The following USP24 variants were observed in gnomAD, a reference collection of about 807,000 sequenced individuals.
USP24 encodes the protein ubiquitin specific peptidase 24, also known as ubiquitin carboxyl-terminal hydrolase 24.
In USP24, 97 loss-of-function variants were observed where a neutral mutation model predicts 361.6. That is an observed-to-expected ratio of 0.27 (90% confidence interval 0.23 to 0.32). USP24 has a LOEUF of 0.32. Among genes scored for constraint, USP24 ranks in the 10% least tolerant of loss-of-function variants. USP24 has a pLI of 1.00. For missense variants in USP24, 2,353 were observed against 3,165.6 expected, an observed-to-expected ratio of 0.74 and a Z score of 6.16; for synonymous variants, 1,098 against 1,124.6, an observed-to-expected ratio of 0.98 and a Z score of 0.47.
Position 55,215,130 on chromosome 1 carries a change from C to G in USP24, c.-17G>C, listed in dbSNP as rs1229325266. On this transcript the variant is annotated 5_prime_UTR_variant, in exon 1 of 68. Coordinates refer to ENST00000294383, the MANE Select transcript of USP24 (RefSeq NM_015306.3). ...CGATTCCATGGCTTGGGCCTCCTGG[C>G]CGCCCCGGCCAGCGCACGGCGAAGC... 8.0e-7 allele frequency: 1 copy of G among 1,242,996 alleles called. No individual in the cohort carries two copies. The highest frequency in any genetic ancestry group is 3.3e-5 in the South Asian group (1 of 30,352). The allele number at this position is 1,242,996 out of a possible 1,614,324, so 77.0% of individuals were successfully genotyped here.
intron 64 of USP24, among the ~76,000 whole-genome samples, chr1:55,073,267 CA>C (rs1644957079): frequency 6.6e-6 from 1 of 152,134 alleles, no homozygotes; most frequent in African/African-American, 2.4e-5. Flanking sequence ...ATTTTGCAGT[CA>C]ATCAGCCTGT....
At chr1:55,202,402 TTTTC>T (rs757576743) in intron 1 of USP24, among the ~76,000 whole-genome samples, 121 of 151,856 alleles carry the variant, frequency 8.0e-4, no homozygotes, top group African/African-American at 2.6e-3. Context: ...TATACCGACT[TTTTC>T]TTTCTTTTTT....
Position 55,145,894 on chromosome 1 carries a change from CCTAA to C in USP24, c.2362+100_2362+103del, listed in dbSNP as rs779251836. On this transcript the variant is annotated intron_variant, in intron 20 of 67. Transcript: ENST00000294383. ...ACAAGAAAAATTCTAGAAGGATATT[CCTAA>C]CTGTTTAGTTGCTTCTGAGAAGGAG... The C allele has an allele frequency of 5.4e-4, 416 of 773,084 alleles. 2 individuals carry two copies. Among genetic ancestry groups the C allele is most frequent in the African/African-American group, 1.8e-3 (102 of 57,700 alleles). The allele number at this position is 773,084 out of a possible 1,614,324, so 47.9% of individuals were successfully genotyped here.
intron 28 of USP24, among the ~76,000 whole-genome samples, chr1:55,135,526 T>C (rs1027535308): frequency 5.3e-5 from 8 of 152,218 alleles, no homozygotes; most frequent in Admixed American, 4.6e-4. Flanking sequence ...ATAAGGTGTA[T>C]ATGAAACATA....
In USP24 at chr1:55,148,495, A is replaced by G; in HGVS notation, c.1936T>C (p.Phe646Leu). 1 of 1,591,310 alleles carries G rather than the reference A, an allele frequency of 6.3e-7. No homozygotes were observed. The highest frequency in any genetic ancestry group is 1.7e-5 in the Admixed American group (1 of 57,162). Residue 646 changes from phenylalanine (F) to leucine (L), a missense_variant, in exon 17 of 68, where the codon TTC (phenylalanine) becomes CTC (leucine). Physicochemically the swap from Phe to Leu is conservative, Grantham distance 22 (BLOSUM62 0). Coordinates refer to ENST00000294383, the MANE Select transcript of USP24 (RefSeq NM_015306.3). The stretch of plus-strand genomic sequence containing the variant: ...TGCTTTTGATAGGTTTGTTTTATGA[A>G]TGAGCGAGTAATTTCATGGAGCTGA... ...LRQLHEITRSFIKQTYQKQDK... is the reference protein window; with the variant it reads ...LRQLHEITRSLIKQTYQKQDK...
At chr1:55,187,226 G>T (rs1308237655) in intron 1 of USP24, among the ~76,000 whole-genome samples, 2 of 144,174 alleles carry the variant, frequency 1.4e-5, no homozygotes, top group Admixed American at 1.3e-4. Context: ...TTCACAAAAT[G>T]TAACACCATT....
chr1:55,106,180 T>C lies in USP24; in HGVS notation c.4846A>G (p.Ser1616Gly), dbSNP rs756754486. ...AAGTCCTGTTGACTGATGGCGGCAC[T>C]GCCAGCTGGAGAATGACTATTTAAA... ...IILNSHSPAG[S>G]AAISQQDFHP... The change falls in exon 41 of 68, where the codon AGT becomes GGT. Residue 1616 changes from serine (S) to glycine (G), a missense_variant. Ser to Gly is a moderately conservative substitution (Grantham distance 56). Coordinates refer to ENST00000294383, the MANE Select transcript of USP24 (RefSeq NM_015306.3). 6.2e-7 allele frequency: 1 copy of C among 1,613,876 alleles called. No homozygotes were observed. The highest frequency in any genetic ancestry group is 8.5e-7 in the Non-Finnish European group (1 of 1,179,852).
intron 38 of USP24, among the ~76,000 whole-genome samples, chr1:55,112,508 T>C (rs1480971780): frequency 6.6e-6 from 1 of 152,224 alleles, no homozygotes; most frequent in Non-Finnish European, 1.5e-5. Context: ...AACTTATTTA[T>C]TTCTGCCTTA....
intron 3 of USP24, among the ~76,000 whole-genome samples, chr1:55,176,045 G>T (rs1649949612): frequency 6.6e-6 from 1 of 152,058 alleles, no homozygotes; most frequent in South Asian, 2.1e-4. Context: ...ACTAATATGT[G>T]CAATATCCTA....
intron 56 of USP24, 28 bp downstream of exon 56, chr1:55,085,914 T>C: frequency 6.3e-7 from 1 of 1,598,840 alleles, no homozygotes; most frequent in Non-Finnish European, 8.6e-7. Context: ...ACACAGTGTA[T>C]AAATAACGTT....
In USP24 at chr1:55,072,408, G is replaced by A. The variant is rs1644939286; in HGVS notation, c.7603-5C>T. The A allele has an allele frequency of 1.2e-6, 2 of 1,610,540 alleles. No homozygotes were observed. Among genetic ancestry groups the A allele is most frequent in the African/African-American group, 2.7e-5 (2 of 74,908 alleles). The stretch of plus-strand genomic sequence containing the variant: ...TGTCCAGTAATGTTCTGACATCTGA[G>A]ATGAAAGGTCAAAAATGCCATCAGA... On this transcript the variant is annotated splice_region_variant and splice_polypyrimidine_tract_variant and intron_variant, in intron 65 of 67. Coordinates refer to ENST00000294383, the MANE Select transcript of USP24 (RefSeq NM_015306.3).
chr1:55,198,639 T>C (rs1434318315), intron 1 of USP24, among the ~76,000 whole-genome samples: 1 of 152,186 alleles, frequency 6.6e-6, no homozygotes, highest in Non-Finnish European at 1.5e-5. Flanking sequence ...CGGGGTGGGA[T>C]GACAAATCAC....
intron 1 of USP24, among the ~76,000 whole-genome samples, chr1:55,209,613 C>T (rs1644801608): frequency 6.6e-6 from 1 of 152,170 alleles, no homozygotes; most frequent in Admixed American, 6.5e-5. Context: ...AATATTGAAA[C>T]TTGTTTGAAC....
intron 45 of USP24, among the ~76,000 whole-genome samples, chr1:55,098,791 G>A (rs1323411631): frequency 6.6e-6 from 1 of 152,192 alleles, no homozygotes; most frequent in Non-Finnish European, 1.5e-5. Context: ...ACAAGAGAGT[G>A]TTCTCCAGGG....
intron 1 of USP24, among the ~76,000 whole-genome samples, chr1:55,184,966 T>A (rs1386603765): frequency 7.6e-6 from 1 of 131,790 alleles, no homozygotes; most frequent in Non-Finnish European, 1.6e-5. Flanking sequence ...TTTATTTTTA[T>A]TTTTTTTTTG....
rs545955598 is a variant in USP24 at position 55,131,718 on chromosome 1, G to A, written c.3537+827C>T. 2.1e-3 allele frequency among the ~76,000 whole-genome samples: 326 copies of A among 152,098 alleles called. 6 individuals are homozygous for A. The highest frequency in any genetic ancestry group is 3.5e-3 in the Non-Finnish European group (238 of 67,974). ...AGATTGTCACATGAAATGAAACTTG[G>A]AAAAAATGCAGGTACCCTCTTAAAA... is the stretch of plus-strand genomic sequence containing the variant. On this transcript the variant is annotated intron_variant, in intron 31 of 67. Transcript: ENST00000294383.
rs1206278395 is a variant in USP24, at chr1:55,207,277, A to AG, written c.324+7512dup. On this transcript the variant is annotated intron_variant, in intron 1 of 67. Transcript: ENST00000294383. ...AATTGACAATATAGGAGAAATGGAA[A>AG]GGGGAAAAAAAAAAAAAAAGGAAAT... Among the ~76,000 whole-genome samples the AG allele has an allele frequency of 3.2e-3, 450 of 142,410 alleles. 2 individuals are homozygous for AG. The highest frequency in any genetic ancestry group is 0.012 in the African/African-American group (443 of 37,430). The allele number at this position is 142,410 out of a possible 152,430, so 93.4% of individuals were successfully genotyped here.
Position 55,107,291 on chromosome 1 carries a change from T to C in USP24, c.4710A>G (p.Leu1570=), listed in dbSNP as rs1218118336. The change falls in exon 40 of 68, where the codon TTA becomes TTG. Residue 1570 remains leucine (L), a synonymous_variant. Coordinates refer to ENST00000294383, the MANE Select transcript of USP24 (RefSeq NM_015306.3). ...GTGAAAGAAGGGTCTTGATGAGGCGTAAGTGCCCTGCCAGTAAGATGTTGT... is the reference window on the plus strand; with the variant it reads ...GTGAAAGAAGGGTCTTGATGAGGCGCAAGTGCCCTGCCAGTAAGATGTTGT... The part of the protein sequence containing the change: ...EADNILLAGH[L]RLIKTLLSLC... The C allele has an allele frequency of 1.2e-6, 2 of 1,613,946 alleles. No individual in the cohort carries two copies. The highest frequency in any genetic ancestry group is 1.7e-6 in the Non-Finnish European group (2 of 1,179,864).
chr1:55,193,847 C>G (rs1644350813), intron 1 of USP24, among the ~76,000 whole-genome samples: 1 of 152,162 alleles, frequency 6.6e-6, no homozygotes, highest in Non-Finnish European at 1.5e-5. Flanking sequence ...AAGTTACTCA[C>G]CAGAAGTCAC....
Sources: allele counts gnomAD v4.1 joint callset (sites outside exome capture counted in the v4.1 genomes callset), GRCh38; gene constraint gnomAD v4.1.1; transcripts MANE v1.5; gene names NCBI Gene and HGNC (gene_info 2026-07-23, HGNC 2026-07-21).